NOP58: variants seen among roughly 807,000 people sequenced by gnomAD.
NOP58 encodes the protein NOP58 ribonucleoprotein, also known as nucleolar protein 58.
In NOP58, 44 loss-of-function variants were observed where a neutral mutation model predicts 71.2. The observed-to-expected ratio is 0.62, with a 90% CI of 0.49 to 0.79. The LOEUF is 0.79. Ranked by LOEUF, NOP58 falls within the 30% of genes least tolerant of loss-of-function variation. The probability of loss-of-function intolerance (pLI) is 0.00; values close to 1 mark genes in which losing one functional copy is unlikely to be tolerated. For synonymous variants in NOP58, 228 were observed against 200.3 expected, an observed-to-expected ratio of 1.14 and a Z score of -1.17; for missense variants, 538 against 620.2, an observed-to-expected ratio of 0.87 and a Z score of 1.41.
intron 6 of NOP58, among the ~76,000 whole-genome samples, chr2:202,290,063 T>G (rs547854114): frequency 6.6e-6 from 1 of 152,164 alleles, no homozygotes; most frequent in South Asian, 2.1e-4. Context: ...CAAGTGATTC[T>G]TCTGCCTCAG....
chr2:202,266,666 G>C (rs1488671398), intron 1 of NOP58, among the ~76,000 whole-genome samples: 3 of 152,142 alleles, frequency 2.0e-5, no homozygotes. Flanking sequence ...TCTTAATACG[G>C]TTACTCTGCT....
intron 7 of NOP58, among the ~76,000 whole-genome samples, 164 bp downstream of exon 7, chr2:202,290,621 T>A (rs1348175670): frequency 6.6e-6 from 1 of 152,198 alleles, no homozygotes; most frequent in Non-Finnish European, 1.5e-5. Context: ...AGAAACAAAA[T>A]GAATTTTAAC....
chr2:202,295,873 G>A (rs373230109), intron 10 of NOP58, 36 bp downstream of exon 10: 2 of 1,479,204 alleles, frequency 1.4e-6, no homozygotes, highest in African/African-American at 2.8e-5. Context: ...TTTGAGGTTA[G>A]ACTTTTTCAT....
chr2:202,282,373 C>A lies in NOP58; in HGVS notation c.198C>A (p.Gly66=). The A allele has an allele frequency of 6.2e-7, 1 of 1,610,964 alleles. No individual in the cohort carries two copies. The highest frequency in any genetic ancestry group is 8.5e-7 in the Non-Finnish European group (1 of 1,179,094). The change falls in exon 4 of 15, where the codon GGC becomes GGA. Residue 66 remains glycine, a synonymous_variant. Transcript: ENST00000264279. ...ALAAFTALME[G]KINKQLKKVL... is the part of the protein sequence containing the mutation. ...AAGCATTCACAGCTCTGATGGAGGG[C>A]AAAATCAATAAGCAGCTGAAAAAAG...
At chr2:202,293,921 A>C (rs1212914098) in intron 9 of NOP58, among the ~76,000 whole-genome samples, 3 of 152,118 alleles carry the variant, frequency 2.0e-5, no homozygotes, top group African/African-American at 7.2e-5. Flanking sequence ...TTTCATTCAA[A>C]TGCCCTCAGC....
rs376772124 is a variant in NOP58 at position 202,291,316 on chromosome 2, A to C, written c.780+46A>C. The C allele has an allele frequency of 2.1e-6, 3 of 1,452,064 alleles. No homozygotes were observed. In the African/African-American group the frequency reaches 4.3e-5, roughly 21 times the overall value. 89.9% of individuals were successfully genotyped at this position (1,452,064 alleles called of 1,614,324 possible). A position where few individuals can be genotyped will look rare whatever the true frequency, so the allele number is the denominator to read the frequency against. ...ATCTAGTTGTGGTGTTACCAGCTCT[A>C]TAGTACTAATTTTTCTGATGGCAAT... On this transcript the variant is annotated intron_variant, in intron 8 of 14. Transcript: ENST00000264279.
At chr2:202,266,138 C>G (rs1283007028) in intron 1 of NOP58, 152 bp downstream of exon 1, 1 of 827,820 alleles carries the variant, frequency 1.2e-6, no homozygotes, top group Non-Finnish European at 1.9e-6. Flanking sequence ...CACCTGAGAG[C>G]CATGTTACGT....
At chr2:202,267,361 A>G (rs952200682) in intron 1 of NOP58, among the ~76,000 whole-genome samples, 3 of 152,192 alleles carry the variant, frequency 2.0e-5, no homozygotes, top group Non-Finnish European at 4.4e-5. Flanking sequence ...ATTTGAAAAT[A>G]CGCAGTTTGC....
At chr2:202,292,603 G>A (rs960171305) in intron 8 of NOP58, among the ~76,000 whole-genome samples, 174 bp from the exon 9 acceptor site, 1 of 151,534 alleles carries the variant, frequency 6.6e-6, no homozygotes, top group Non-Finnish European at 1.5e-5. Context: ...GCGCCACTGC[G>A]CTCCAGCCTG....
Position 202,265,973 on chromosome 2 carries a change from A to T in NOP58, c.32A>T (p.Tyr11Phe). 6.2e-7 allele frequency: 1 copy of T among 1,614,148 alleles called. No homozygotes were observed. The highest frequency in any genetic ancestry group is 1.1e-5 in the South Asian group (1 of 91,078). MLVLFETSVGYAIFKVLNEKK... is the reference protein window; with the variant it reads MLVLFETSVGFAIFKVLNEKK... The stretch of plus-strand genomic sequence containing the variant: ...GTGCTGTTTGAAACGTCTGTGGGTT[A>T]CGCCATCTTTAAGGTAGGTGGGAGA... Residue 11 changes from tyrosine to phenylalanine, a missense_variant, in exon 1 of 15, where the codon TAC becomes TTC. Physicochemically the swap from Tyr to Phe is conservative, Grantham distance 22 (BLOSUM62 3). Transcript: ENST00000264279.
chr2:202,284,356 T>A lies in NOP58; in HGVS notation c.309T>A (p.Asn103Lys). ...TCATGTTCTTGTAGGAAAAGCTGAA[T>A]CTCAGTTGTATCCATAGTCCTGTTG... ...KLGGVIKEKL[N>K]LSCIHSPVVN... The change falls in exon 5 of 15, where the codon AAT (asparagine) becomes AAA (lysine). Residue 103 changes from asparagine (N) to lysine (K), a missense_variant. By Grantham distance (94) the Asn-to-Lys change is moderately conservative. Coordinates refer to ENST00000264279, the MANE Select transcript of NOP58 (RefSeq NM_015934.5). The A allele has an allele frequency of 1.0e-5, 16 of 1,606,886 alleles. No individual in the cohort carries two copies. The highest frequency in any genetic ancestry group is 1.4e-5 in the Non-Finnish European group (16 of 1,176,246).
intron 13 of NOP58, among the ~76,000 whole-genome samples, chr2:202,301,713 A>G (rs1689096209): frequency 6.6e-6 from 1 of 152,102 alleles, no homozygotes; most frequent in Admixed American, 6.6e-5. Context: ...TCTGCCCTCC[A>G]AAACGCCTTA....
At chr2:202,284,536 A>G (rs1688759623) in intron 5 of NOP58, 55 bp downstream of exon 5, 16 of 1,568,660 alleles carry the variant, frequency 1.0e-5, no homozygotes, top group Non-Finnish European at 1.4e-5. Context: ...AGCGCTTAAC[A>G]TAGATCTGTT....
chr2:202,275,009 G>A, intron 1 of NOP58, 104 bp from the exon 2 acceptor site: 1 of 469,582 alleles, frequency 2.1e-6, no homozygotes, highest in Non-Finnish European at 3.6e-6. Flanking sequence ...GAAAGAAATA[G>A]CTTCTACACC....
chr2:202,280,103 G>T (rs1688675696), intron 3 of NOP58, among the ~76,000 whole-genome samples: 1 of 152,090 alleles, frequency 6.6e-6, no homozygotes, highest in Admixed American at 6.6e-5. Flanking sequence ...TCCTTCCCCT[G>T]GGAATTCAGT....
chr2:202,272,613 T>C (rs1688529053), intron 1 of NOP58, among the ~76,000 whole-genome samples: 1 of 152,160 alleles, frequency 6.6e-6, no homozygotes, highest in African/African-American at 2.4e-5. Context: ...ATCATGAAGT[T>C]TTAGAATCCA....
intron 3 of NOP58, among the ~76,000 whole-genome samples, chr2:202,281,881 G>A (rs917664767): frequency 2.6e-5 from 4 of 152,170 alleles, no homozygotes; most frequent in African/African-American, 9.7e-5. Flanking sequence ...TGCTGGAGGT[G>A]TACAAGTGGA....
chr2:202,277,970 A>G lies in NOP58; in HGVS notation c.143A>G (p.Glu48Gly). 1 of 1,547,744 alleles carries G rather than the reference A, an allele frequency of 6.5e-7. No individual in the cohort carries two copies. Among genetic ancestry groups the G allele is most frequent in the Non-Finnish European group, 8.9e-7 (1 of 1,129,602 alleles). ...TCTAGAGTAAAGCTAAAACATTTTG[A>G]GAAATTTCAGGATACAGCAGAAGCA... ...ANKIVKLKHF[E>G]KFQDTAEALA... The change falls in exon 3 of 15, where the codon GAG becomes GGG. Residue 48 changes from glutamate to glycine, a missense_variant. Coordinates refer to ENST00000264279, the MANE Select transcript of NOP58 (RefSeq NM_015934.5).
Position 202,291,143 on chromosome 2 carries a change from C to T in NOP58, c.653C>T (p.Ala218Val). Residue 218 changes from alanine to valine, a missense_variant, in exon 8 of 15, where the codon GCC (alanine) becomes GTC (valine). Coordinates refer to ENST00000264279, the MANE Select transcript of NOP58 (RefSeq NM_015934.5). Reference sequence around the variant, plus strand: ...TCCATAGGCGATAGGAAGAACTATGCCTCTGCCAAGCTTTCTGAGTTGCTG... The same window carrying T: ...TCCATAGGCGATAGGAAGAACTATGTCTCTGCCAAGCTTTCTGAGTTGCTG... Reference protein sequence around the residue: ...LQKVGDRKNYASAKLSELLPE... With the variant: ...LQKVGDRKNYVSAKLSELLPE... 6.2e-7 allele frequency: 1 copy of T among 1,609,702 alleles called. No individual in the cohort carries two copies. Among genetic ancestry groups the T allele is most frequent in the Non-Finnish European group, 8.5e-7 (1 of 1,178,748 alleles).
Sources: gnomAD v4.1 joint callset for allele counts (sites outside exome capture counted in the v4.1 genomes callset) on GRCh38, gnomAD v4.1.1 for gene constraint, MANE v1.5 for transcripts, NCBI Gene and HGNC (gene_info 2026-07-23, HGNC 2026-07-21) for gene names.